VGF: variants seen among roughly 807,000 people sequenced by gnomAD.
VGF encodes neurosecretory protein VGF.
A neutral mutation model predicts 41.1 loss-of-function variants in VGF; 13 were observed. The ratio of observed to expected loss-of-function variants is 0.32; its 90% CI spans 0.21 to 0.50. The LOEUF (loss-of-function observed/expected upper bound fraction) is 0.50, where lower values mean the gene tolerates loss of function less well. VGF is among the 20% of genes least tolerant of loss of function. VGF has a pLI of 0.98. For missense variants in VGF, 920 were observed against 882.1 expected (o/e 1.04, Z -0.54); for synonymous variants, 473 against 418.3 (o/e 1.13, Z -1.60).
upstream of VGF, among the ~76,000 whole-genome samples, chr7:101,166,021 G>A (rs1258218015): frequency 3.3e-5 from 5 of 152,228 alleles, no homozygotes; most frequent in Non-Finnish European, 5.9e-5. Flanking sequence ...GTCTGACTGG[G>A]CACCAGTGGG....
chr7:101,166,830 G>C (rs1232963618), upstream of VGF, among the ~76,000 whole-genome samples: 1 of 145,444 alleles, frequency 6.9e-6, no homozygotes, highest in Non-Finnish European at 1.5e-5. Flanking sequence ...GGTGGCAAGG[G>C]GGGCAGCCAC....
chr7:101,166,959 C>A (rs919820835), upstream of VGF, among the ~76,000 whole-genome samples: 1 of 151,924 alleles, frequency 6.6e-6, no homozygotes, highest in Non-Finnish European at 1.5e-5. Flanking sequence ...CAGACACACA[C>A]GAACTGCGGA....
chr7:101,163,612 C>T lies in VGF; in HGVS notation c.1232G>A (p.Gly411Glu), dbSNP rs765258252. The T allele has an allele frequency of 3.2e-5, 50 of 1,551,592 alleles. No individual in the cohort carries two copies. Among genetic ancestry groups the T allele is most frequent in the Middle Eastern group, 3.5e-4 (2 of 5,682 alleles). ...GCGCTTGTCCTCGGCGCCGGCTTCC[C>T]CGTCCTCCTCCTCCGCGAACAGGAG... ...NALLFAEEED[G>E]EAGAEDKRSQ... The change falls in exon 2 of 2, where the codon GGG becomes GAG. Residue 411 changes from glycine (G) to glutamate (E), a missense_variant. By Grantham distance (98) the Gly-to-Glu change is moderately conservative. This residue lies in a region of VGF where 654 missense variants were observed against 638.4 expected (regional missense o/e 1.02). Transcript: ENST00000249330. This position sits in a 1 kb window ranked among gnomAD's most constrained non-coding sequence, Gnocchi z 5.0.
In VGF at chr7:101,163,289, C is replaced by G. The variant is rs1189627973; in HGVS notation, c.1555G>C (p.Glu519Gln). 3 of 1,370,534 alleles carry G rather than the reference C, an allele frequency of 2.2e-6. No homozygotes were observed. Among genetic ancestry groups the G allele is most frequent in the Non-Finnish European group, 1.9e-6 (2 of 1,057,468 alleles). 84.9% of individuals were successfully genotyped at this position (1,370,534 alleles called of 1,614,324 possible). ...AGCACCTCGTTCCAGTCCGGCAGCT[C>G]GTCTCGTGCGGGAGCGGGGGCGGGG... ...PPPAPAPARD[E>Q]LPDWNEVLPP... Residue 519 changes from glutamate (E) to glutamine (Q), a missense_variant, in exon 2 of 2, where the codon GAG becomes CAG. Transcript: ENST00000249330. The surrounding 1 kb of genome is among the most constrained non-coding windows in gnomAD (Gnocchi z 5.0).
Position 101,164,598 on chromosome 7 carries a change from C to CGA in VGF, c.245_246insTC (p.Ala83ArgfsTer34). 1 of 1,599,764 alleles carries CGA rather than the reference C, an allele frequency of 6.3e-7. No homozygotes were observed. The highest frequency in any genetic ancestry group is 8.5e-7 in the Non-Finnish European group (1 of 1,175,222). On this transcript the variant is annotated frameshift_variant, in exon 2 of 2. Transcript: ENST00000249330. LOFTEE classifies it high-confidence loss of function. ...CGAGTGCCTGCAGCAGCACCGCGGC[C>CGA]AGCGCCCGGGGATCCACGCCCTGGA...
chr7:101,164,844 G>T lies in VGF; in HGVS notation c.-1C>A. 1.3e-6 allele frequency: 2 copies of T among 1,547,050 alleles called. No homozygotes were observed. The highest frequency in any genetic ancestry group is 2.4e-5 in the South Asian group (2 of 84,128). ...AAGCCGACAATCTGAGGGCTTTCAT[G>T]ACCAAGAGGCTGCCGGAGACTGAAA... On this transcript the variant is annotated 5_prime_UTR_variant, in exon 2 of 2. Transcript: ENST00000249330.
At chr7:101,166,474 G>A (rs1797220144), upstream of VGF, among the ~76,000 whole-genome samples, 1 of 151,490 alleles carries the variant, frequency 6.6e-6, no homozygotes, top group African/African-American at 2.4e-5. Context: ...AAGGACGTTT[G>A]GAGGGCGAGA....
chr7:101,164,444 G>C lies in VGF; in HGVS notation c.400C>G (p.Pro134Ala). Residue 134 changes from proline to alanine, a missense_variant, in exon 2 of 2, where the codon CCC becomes GCC. Transcript: ENST00000249330. Reference protein sequence around the residue: ...HSLPAPESPEPAAPPRPQTPE... With the variant: ...HSLPAPESPEAAAPPRPQTPE... ...GTCTGAGGGCGAGGCGGAGCCGCGG[G>C]CTCCGGGCTCTCCGGCGCCGGGAGG... The C allele has an allele frequency of 1.9e-6, 3 of 1,605,158 alleles. No individual in the cohort carries two copies. Among genetic ancestry groups the C allele is most frequent in the Non-Finnish European group, 2.5e-6 (3 of 1,178,288 alleles).
chr7:101,166,303 T>A (rs1014633466), upstream of VGF, among the ~76,000 whole-genome samples: 1 of 152,154 alleles, frequency 6.6e-6, no homozygotes, highest in Non-Finnish European at 1.5e-5. Context: ...TGCCTCTGGG[T>A]CGTGTCTGTT....
chr7:101,169,828 C>T (rs1281694199), upstream of VGF, among the ~76,000 whole-genome samples: 1 of 152,226 alleles, frequency 6.6e-6, no homozygotes, highest in Non-Finnish European at 1.5e-5. Context: ...CGAATCCATC[C>T]CACCCAGACA....
rs1242469852 is a variant in VGF at position 101,164,245 on chromosome 7, G to T, written c.599C>A (p.Pro200Gln). Residue 200 changes from proline (P) to glutamine (Q), a missense_variant, in exon 2 of 2, where the codon CCG (proline) becomes CAG (glutamine). This residue lies in a region of VGF where 654 missense variants were observed against 638.4 expected (regional missense o/e 1.02). Coordinates refer to ENST00000249330, the MANE Select transcript of VGF (RefSeq NM_003378.4). ...HTLTRVNLES[P>Q]GPERVWRASW... The stretch of plus-strand genomic sequence containing the variant: ...AGCGCGCCATACGCGCTCTGGCCCC[G>T]GGCTCTCCAGATTCACTCGGGTCAG... The T allele has an allele frequency of 6.3e-7, 1 of 1,589,722 alleles. No individual in the cohort carries two copies. The highest frequency in any genetic ancestry group is 1.3e-5 in the African/African-American group (1 of 74,648).
upstream of VGF, among the ~76,000 whole-genome samples, chr7:101,166,240 C>T (rs942642415): frequency 6.6e-6 from 1 of 152,198 alleles, no homozygotes; most frequent in African/African-American, 2.4e-5. Flanking sequence ...TTTGGTAATC[C>T]CATCGGGAAG....
chr7:101,163,210 G>C lies in VGF; in HGVS notation c.1634C>G (p.Pro545Arg), dbSNP rs759030139. The change falls in exon 2 of 2, where the codon CCT becomes CGT. Residue 545 changes from proline (P) to arginine (R), a missense_variant. Pro to Arg is a moderately radical substitution (Grantham distance 103). Coordinates refer to ENST00000249330, the MANE Select transcript of VGF (RefSeq NM_003378.4). The surrounding 1 kb of genome is among the most constrained non-coding windows in gnomAD (Gnocchi z 5.0). ...CCGCGGCCGGATGTAGTTGGGGAAA[G>C]GGTGGTACGGCCCTGGCGGGTACAC... ...DEVYPPGPYH[P>R]FPNYIRPRTL... 3.9e-6 allele frequency: 6 copies of C among 1,546,050 alleles called. No individual in the cohort carries two copies. The East Asian group carries it at 1.4e-4, about 37-fold the overall frequency.
upstream of VGF, among the ~76,000 whole-genome samples, chr7:101,169,412 A>C (rs1297293327): frequency 6.6e-6 from 1 of 152,154 alleles, no homozygotes; most frequent in Non-Finnish European, 1.5e-5. Context: ...GCCTCCTTCA[A>C]CTTCCACCTG....
In VGF at chr7:101,164,716, A is replaced by T. The variant is rs755864356; in HGVS notation, c.128T>A (p.Val43Glu). ...TGGCCCGGGCACTGCGTCCCCGGCT[A>T]CCGGCTCTTTATGCTCAGAGCTGAG... ...PPLSSEHKEPVAGDAVPGPKD... is the reference protein window; with the variant it reads ...PPLSSEHKEPEAGDAVPGPKD... The change falls in exon 2 of 2, where the codon GTA becomes GAA. Residue 43 changes from valine to glutamate, a missense_variant. Val to Glu is a moderately radical substitution (Grantham distance 121, BLOSUM62 -2). Around this residue, in one of 3 missense-constraint regions of VGF, gnomAD observed 654 missense variants for 638.4 expected, o/e 1.02. Transcript: ENST00000249330. 6.2e-6 allele frequency: 10 copies of T among 1,609,700 alleles called. No homozygotes were observed. In the African/African-American group the frequency reaches 1.3e-4, roughly 21 times the overall value.
chr7:101,164,311 T>G lies in VGF; in HGVS notation c.533A>C (p.Gln178Pro), dbSNP rs1797177023. 1.9e-6 allele frequency: 3 copies of G among 1,610,322 alleles called. No individual in the cohort carries two copies. The highest frequency in any genetic ancestry group is 1.7e-5 in the Admixed American group (1 of 60,010). ...DFSPSSAKRQ[Q>P]ETAAAETETR... ...TTCCGTCTCTGCTGCCGCCGTCTCC[T>G]GCTGGCGCTTGGCGCTACTTGGACT... is the stretch of plus-strand genomic sequence containing the variant. Residue 178 changes from glutamine to proline, a missense_variant, in exon 2 of 2, where the codon CAG becomes CCG. Gln to Pro is a moderately conservative substitution (Grantham distance 76). This residue lies in a region of VGF where 654 missense variants were observed against 638.4 expected (regional missense o/e 1.02). Coordinates refer to ENST00000249330, the MANE Select transcript of VGF (RefSeq NM_003378.4).
chr7:101,163,078 T>G lies in VGF; in HGVS notation c.1766A>C (p.Glu589Ala), dbSNP rs746617291. 1.3e-5 allele frequency: 21 copies of G among 1,576,086 alleles called. No homozygotes were observed. Among genetic ancestry groups the G allele is most frequent in the Middle Eastern group, 1.7e-4 (1 of 5,730 alleles). ...REAQARRAQE[E>A]AEAEERRLQE... is the part of the protein sequence containing the mutation. ...CAGCCGGCGCTCCTCCGCCTCCGCC[T>G]CCTCCTGCGCGCGCCGCGCCTGGGC... Residue 589 changes from glutamate (E) to alanine (A), a missense_variant, in exon 2 of 2, where the codon GAG becomes GCG. Physicochemically the swap from Glu to Ala is moderately radical, Grantham distance 107. Around this residue, in one of 3 missense-constraint regions of VGF, gnomAD observed 257 missense variants for 217.2 expected, o/e 1.18. Coordinates refer to ENST00000249330, the MANE Select transcript of VGF (RefSeq NM_003378.4). This position sits in a 1 kb window ranked among gnomAD's most constrained non-coding sequence, Gnocchi z 5.0.
rs1456409430 is a variant in VGF at position 101,164,660 on chromosome 7, C to G, written c.184G>C (p.Ala62Pro). Residue 62 changes from alanine to proline, a missense_variant, in exon 2 of 2, where the codon GCT becomes CCT. Ala to Pro is a conservative substitution (Grantham distance 27, BLOSUM62 -1). Transcript: ENST00000249330. ...TCGTCCTGCGGCTCGGAATTCCGAGCGCCTCGGACCTCTGGGGCGCTGCCA... is the reference window on the plus strand; with the variant it reads ...TCGTCCTGCGGCTCGGAATTCCGAGGGCCTCGGACCTCTGGGGCGCTGCCA... ...KDGSAPEVRGARNSEPQDEGE... is the reference protein window; with the variant it reads ...KDGSAPEVRGPRNSEPQDEGE... 1.3e-6 allele frequency: 2 copies of G among 1,592,400 alleles called. No homozygotes were observed. Among genetic ancestry groups the G allele is most frequent in the Non-Finnish European group, 1.7e-6 (2 of 1,169,706 alleles).
rs778745394 is a variant in VGF at position 101,164,445 on chromosome 7, C to T, written c.399G>A (p.Glu133=). 3.1e-6 allele frequency: 5 copies of T among 1,604,260 alleles called. No homozygotes were observed. In the South Asian group the frequency reaches 3.3e-5, roughly 11 times the overall value. The part of the protein sequence containing the change: ...THSLPAPESP[E]PAAPPRPQTP... ...TCTGAGGGCGAGGCGGAGCCGCGGG[C>T]TCCGGGCTCTCCGGCGCCGGGAGGC... Residue 133 remains glutamate, a synonymous_variant, in exon 2 of 2, where the codon GAG becomes GAA. Transcript: ENST00000249330.
Sources: gnomAD v4.1 joint callset for allele counts (sites outside exome capture counted in the v4.1 genomes callset) on GRCh38, gnomAD v4.1.1 for gene constraint, gnomAD v4.1.1 regional missense constraint, Gnocchi (gnomAD v3.1) non-coding constraint, MANE v1.5 for transcripts, NCBI Gene and HGNC (gene_info 2026-07-23, HGNC 2026-07-21) for gene names.